The following CELF2 variants were observed in gnomAD, a reference collection of about 807,000 sequenced individuals.
CELF2 encodes CUGBP Elav-like family member 2.
A neutral mutation model predicts 62.6 loss-of-function variants in CELF2; 8 were observed. The observed-to-expected ratio is 0.13, with a 90% CI of 0.07 to 0.23. CELF2 has a LOEUF of 0.23. CELF2 is among the 10% of genes least tolerant of loss of function. The pLI is 1.00. For missense variants in CELF2, 333 were observed against 671.0 expected (o/e 0.50, Z 5.56); for synonymous variants, 258 against 250.0 (o/e 1.03, Z -0.30).
the CELF2 span, among the ~76,000 whole-genome samples, chr10:10,565,626 TG>T: frequency 6.6e-6 from 1 of 152,218 alleles, no homozygotes; most frequent in South Asian, 2.1e-4. Flanking sequence ...TGGATGCTTC[TG>T]GTGTAAGAAT....
chr10:10,941,809 C>G (rs575120162), intron 2 of CELF2, among the ~76,000 whole-genome samples: 1 of 152,184 alleles, frequency 6.6e-6, no homozygotes, highest in South Asian at 2.1e-4. Flanking sequence ...GCCTGGCCAA[C>G]ATAGTGAAAT....
chr10:10,692,389 C>T, the CELF2 span, among the ~76,000 whole-genome samples: 1 of 150,916 alleles, frequency 6.6e-6, no homozygotes, highest in African/African-American at 2.4e-5. Flanking sequence ...GGTACCAGTG[C>T]CATGCTGTTT....
Position 11,268,124 on chromosome 10 carries a change from TCTTA to T in CELF2, c.618+1450_618+1453del, listed in dbSNP as rs1262229305. On this transcript the variant is annotated intron_variant, in intron 6 of 12. Coordinates refer to ENST00000633077, the MANE Select transcript of CELF2 (RefSeq NM_001326342.2). This position sits in a 1 kb window ranked among gnomAD's most constrained non-coding sequence, Gnocchi z 4.7. ...TGATGGCGTTTTGCTTCCCTCTTTC[TCTTA>T]CTGAGGCCGCTCCATTCCTGTGGAT... Among the ~76,000 whole-genome samples, 2 of 152,124 alleles carry T rather than the reference TCTTA, an allele frequency of 1.3e-5. No homozygotes were observed. Among genetic ancestry groups the T allele is most frequent in the Admixed American group, 1.3e-4 (2 of 15,270 alleles).
Position 11,318,667 on chromosome 10 carries a change from T to G in CELF2, c.1097-2522T>G, listed in dbSNP as rs995781626. On this transcript the variant is annotated intron_variant, in intron 10 of 12. Transcript: ENST00000633077. This position sits in a 1 kb window ranked among gnomAD's most constrained non-coding sequence, Gnocchi z 5.4. ...TCCAGTATTTCAAGAGCAGGAGCTG[T>G]GTTCTGCTTCTGCATTGTAAGAGAG... is the stretch of plus-strand genomic sequence containing the variant. 1 of 418,154 alleles carries G rather than the reference T, an allele frequency of 2.4e-6. No homozygotes were observed. Among genetic ancestry groups the G allele is most frequent in the Non-Finnish European group, 5.0e-6 (1 of 201,176 alleles). 25.9% of individuals were successfully genotyped at this position (418,154 alleles called of 1,614,324 possible). A position where few individuals can be genotyped will look rare whatever the true frequency, so the allele number is the denominator to read the frequency against.
chr10:10,899,774 G>A (rs112697657), intron 1 of CELF2, among the ~76,000 whole-genome samples: 4,212 of 152,274 alleles, frequency 0.028, 108 homozygotes, highest in Admixed American at 0.034. Context: ...AGGAGGAAGG[G>A]GTGGTGGGGA....
chr10:10,979,406 C>T (rs760775126), intron 2 of CELF2, among the ~76,000 whole-genome samples: 21 of 152,194 alleles, frequency 1.4e-4, no homozygotes, highest in Admixed American at 2.6e-4. Flanking sequence ...CGCTGTGCCT[C>T]ACGCCTGTAA....
chr10:11,088,325 C>T (rs1156860194), intron 1 of CELF2, among the ~76,000 whole-genome samples: 1 of 152,194 alleles, frequency 6.6e-6, no homozygotes, highest in Non-Finnish European at 1.5e-5. Context: ...AGGGCAGTGA[C>T]CAATCCAACC....
chr10:11,090,009 C>G (rs1265048271), intron 1 of CELF2, among the ~76,000 whole-genome samples: 1 of 151,998 alleles, frequency 6.6e-6, no homozygotes. Context: ...ACCATAGACA[C>G]CAGGAACTCC....
chr10:10,778,997 C>T, the CELF2 span, among the ~76,000 whole-genome samples: 2 of 151,998 alleles, frequency 1.3e-5, no homozygotes, highest in Non-Finnish European at 2.9e-5. Context: ...CCACTGAAGG[C>T]CAACAGAAAA....
intron 1 of CELF2, among the ~76,000 whole-genome samples, chr10:11,057,414 A>G (rs2065547587): frequency 6.6e-6 from 1 of 152,252 alleles, no homozygotes; most frequent in South Asian, 2.1e-4. Flanking sequence ...CCTGGAGGAG[A>G]TTTTCATTTT....
In CELF2 at chr10:10,931,212, C is replaced by A. The variant is rs1366748764; in HGVS notation, c.89+11213C>A. Among the ~76,000 whole-genome samples, 1 of 152,086 alleles carries A rather than the reference C, an allele frequency of 6.6e-6. No homozygotes were observed. Among genetic ancestry groups the A allele is most frequent in the Admixed American group, 6.6e-5 (1 of 15,266 alleles). On this transcript the variant is annotated intron_variant, in intron 2 of 13. Coordinates refer to the CELF2 transcript ENST00000636488. This position sits in a 1 kb window ranked among gnomAD's most constrained non-coding sequence, Gnocchi z 6.1. The stretch of plus-strand genomic sequence containing the variant: ...TTTGGACTGAAACCACTCAAGCATC[C>A]TATATTGTGTTCATTTTTCAAATAA...
chr10:11,099,509 T>C (rs1165325558), intron 1 of CELF2, among the ~76,000 whole-genome samples: 1 of 152,196 alleles, frequency 6.6e-6, no homozygotes, highest in Non-Finnish European at 1.5e-5. Context: ...CTTAAACAGA[T>C]ACATTTTAGA....
At chr10:10,705,046 G>A in the CELF2 span, among the ~76,000 whole-genome samples, 1,754 of 152,110 alleles carry the variant, frequency 0.012, 35 homozygotes, top group African/African-American at 0.04. Flanking sequence ...AGTAGCCGGC[G>A]GTGGTGGCAC....
At chr10:11,115,226 A>T (rs1322260375) in intron 1 of CELF2, among the ~76,000 whole-genome samples, 2 of 152,260 alleles carry the variant, frequency 1.3e-5, no homozygotes, top group South Asian at 4.1e-4. Flanking sequence ...TTGATTGGTA[A>T]CACTGATTCA....
chr10:11,235,006 A>G (rs1163850489), intron 3 of CELF2, among the ~76,000 whole-genome samples: 1 of 152,224 alleles, frequency 6.6e-6, no homozygotes, highest in Non-Finnish European at 1.5e-5. Context: ...CCCTGCTTCA[A>G]ACATGAGTTT....
intron 1 of CELF2, among the ~76,000 whole-genome samples, chr10:11,072,074 A>G (rs904840090): frequency 6.6e-6 from 1 of 152,210 alleles, no homozygotes; most frequent in African/African-American, 2.4e-5. Context: ...GTGGTCCAAG[A>G]TGTGGACAGC....
chr10:10,648,907 G>A, the CELF2 span, among the ~76,000 whole-genome samples: 1,597 of 152,284 alleles, frequency 0.01, 41 homozygotes, highest in African/African-American at 0.036. Context: ...GGGGCGCACC[G>A]CTTACAGATG....
At chr10:10,774,955 T>TGCAA in the CELF2 span, among the ~76,000 whole-genome samples, 1 of 152,036 alleles carries the variant, frequency 6.6e-6, no homozygotes, top group Non-Finnish European at 1.5e-5. Flanking sequence ...CTTGGCTCAC[T>TGCAA]GCAACCTCCA....
In CELF2 at chr10:11,148,580, G is replaced by A. The variant is rs915150690; in HGVS notation, c.75-16906G>A. On this transcript the variant is annotated intron_variant, in intron 1 of 12. Coordinates refer to ENST00000633077, the MANE Select transcript of CELF2 (RefSeq NM_001326342.2). Reference sequence around the variant, plus strand: ...AGGCGATCCACCTTTTCTGTCTTGGGTCACGATAGCATTGTGTCCTTTCTC... The same window carrying A: ...AGGCGATCCACCTTTTCTGTCTTGGATCACGATAGCATTGTGTCCTTTCTC... Among the ~76,000 whole-genome samples the A allele has an allele frequency of 2.6e-5, 4 of 152,292 alleles. No homozygotes were observed. The South Asian group carries it at 6.2e-4, about 24-fold the overall frequency.
Sources: allele counts gnomAD v4.1 joint callset (sites outside exome capture counted in the v4.1 genomes callset), GRCh38; gene constraint gnomAD v4.1.1; non-coding constraint Gnocchi (gnomAD v3.1); transcripts MANE v1.5; gene names NCBI Gene and HGNC (gene_info 2026-07-23, HGNC 2026-07-21).